PRKCE: variants seen among roughly 807,000 people sequenced by gnomAD.
The protein encoded by PRKCE is protein kinase C epsilon type.
PRKCE carries 16 observed loss-of-function variants against 85.4 expected under a neutral mutation model. The ratio of observed to expected loss-of-function variants is 0.19; its 90% CI spans 0.13 to 0.28. The LOEUF (loss-of-function observed/expected upper bound fraction) is 0.28, where lower values mean the gene tolerates loss of function less well. Ranked by LOEUF, PRKCE falls within the 10% of genes least tolerant of loss-of-function variation. PRKCE has a pLI of 1.00. For synonymous variants in PRKCE, 388 were observed against 371.5 expected, an observed-to-expected ratio of 1.04 and a Z score of -0.51; for missense variants, 573 against 975.2, an observed-to-expected ratio of 0.59 and a Z score of 5.49.
At chr2:46,020,581 C>A (rs565348440) in intron 10 of PRKCE, among the ~76,000 whole-genome samples, 3 of 152,168 alleles carry the variant, frequency 2.0e-5, no homozygotes, top group Admixed American at 6.5e-5. Context: ...GTCTCAGTAA[C>A]ATATTTCATT....
intron 2 of PRKCE, among the ~76,000 whole-genome samples, chr2:45,901,875 T>A (rs868354525): frequency 6.6e-6 from 1 of 152,160 alleles, no homozygotes; most frequent in African/African-American, 2.4e-5. Flanking sequence ...TCCAGCCAGG[T>A]GCGGTAAAAG....
intron 13 of PRKCE, among the ~76,000 whole-genome samples, chr2:46,157,720 G>A (rs1192056595): frequency 1.3e-5 from 2 of 152,230 alleles, no homozygotes; most frequent in Non-Finnish European, 2.9e-5. Flanking sequence ...AAACCTCTAT[G>A]TGTATCCCTG....
intron 1 of PRKCE, among the ~76,000 whole-genome samples, chr2:45,799,027 A>C (rs573532059): frequency 2.0e-5 from 3 of 152,120 alleles, no homozygotes; most frequent in Admixed American, 6.5e-5. Context: ...TTAGCCGGGC[A>C]TGGTGGTGGG....
intron 1 of PRKCE, among the ~76,000 whole-genome samples, chr2:45,755,372 G>A (rs1197302594): frequency 2.0e-5 from 3 of 152,166 alleles, no homozygotes; most frequent in Non-Finnish European, 4.4e-5. Flanking sequence ...CTTAGGTTAA[G>A]CATATGATAC....
At chr2:45,879,928 A>G (rs1051218884) in intron 2 of PRKCE, among the ~76,000 whole-genome samples, 2 of 152,176 alleles carry the variant, frequency 1.3e-5, no homozygotes, top group East Asian at 1.9e-4. Context: ...TATATTAACT[A>G]TATTAATTCT....
chr2:46,144,579 C>T (rs1240413046), intron 11 of PRKCE, among the ~76,000 whole-genome samples: 1 of 152,220 alleles, frequency 6.6e-6, no homozygotes, highest in Non-Finnish European at 1.5e-5. Flanking sequence ...GAAGCCCTCA[C>T]TGCCTGCACT....
chr2:46,086,393 AG>A (rs1288815748), intron 11 of PRKCE, 31 bp downstream of exon 11: 2 of 1,587,108 alleles, frequency 1.3e-6, no homozygotes, highest in Admixed American at 1.7e-5. Flanking sequence ...CTTTCCTGAA[AG>A]TGAAGAAAAT....
chr2:45,836,794 CTGG>C (rs1690919021), intron 1 of PRKCE, among the ~76,000 whole-genome samples: 1 of 152,248 alleles, frequency 6.6e-6, no homozygotes, highest in Admixed American at 6.5e-5. Context: ...TAGGACCTTA[CTGG>C]TGGAACAAGG....
intron 11 of PRKCE, among the ~76,000 whole-genome samples, chr2:46,101,679 A>T (rs887146429): frequency 1.3e-5 from 2 of 152,120 alleles, no homozygotes; most frequent in Non-Finnish European, 2.9e-5. Context: ...ATTTAATAGA[A>T]TTTCAGAGGT....
intron 2 of PRKCE, among the ~76,000 whole-genome samples, chr2:45,940,474 A>G (rs1347703247): frequency 6.6e-6 from 1 of 152,222 alleles, no homozygotes; most frequent in African/African-American, 2.4e-5. Flanking sequence ...TTGCTGGTAT[A>G]TGCAGTCAAA....
chr2:45,870,525 G>A (rs1432992928), intron 2 of PRKCE, among the ~76,000 whole-genome samples: 4 of 152,178 alleles, frequency 2.6e-5, no homozygotes, highest in Non-Finnish European at 5.9e-5. Flanking sequence ...CAGGGGTTTT[G>A]TTGTTGTTAT....
chr2:45,892,133 T>C (rs933119919), intron 2 of PRKCE, among the ~76,000 whole-genome samples: 4 of 152,218 alleles, frequency 2.6e-5, no homozygotes, highest in Admixed American at 2.0e-4. Flanking sequence ...TGCTTTTCAA[T>C]GGTTCTGTTT....
intron 11 of PRKCE, among the ~76,000 whole-genome samples, chr2:46,089,164 G>T (rs1468441355): frequency 6.6e-6 from 1 of 152,084 alleles, no homozygotes; most frequent in Admixed American, 6.5e-5. Context: ...TCTAAATGCT[G>T]GTTTTCCCCA....
At position 45,838,838 on chromosome 2, in the gene PRKCE, C is replaced by T. The variant is rs995987977; in HGVS notation, c.349-4162C>T. On this transcript the variant is annotated intron_variant, in intron 1 of 14. Transcript: ENST00000306156. ...AAAGTCATCAAATGTCCTGGAATTA[C>T]ATGTAACAATACCAACTTTGTTGAG... Among the ~76,000 whole-genome samples the T allele has an allele frequency of 4.7e-4, 71 of 152,150 alleles. 1 individual carries two copies. The highest frequency in any genetic ancestry group is 1.3e-4 in the Non-Finnish European group (9 of 68,030).
At chr2:45,864,853 G>T (rs1456482238) in intron 2 of PRKCE, among the ~76,000 whole-genome samples, 2 of 152,140 alleles carry the variant, frequency 1.3e-5, no homozygotes, top group Non-Finnish European at 2.9e-5. Flanking sequence ...TGTGTTTCAG[G>T]CTTCAGAGCA....
At chr2:45,860,670 A>G (rs1010628988) in intron 2 of PRKCE, among the ~76,000 whole-genome samples, 48 of 151,910 alleles carry the variant, frequency 3.2e-4, no homozygotes, top group African/African-American at 1.1e-3. Flanking sequence ...GACTGAAGGG[A>G]GTGAGGACAG....
chr2:45,903,296 C>T (rs1696706977), intron 2 of PRKCE, among the ~76,000 whole-genome samples: 1 of 152,208 alleles, frequency 6.6e-6, no homozygotes, highest in Non-Finnish European at 1.5e-5. Flanking sequence ...TTAACAGGCA[C>T]ATAACACAGG....
intron 14 of PRKCE, among the ~76,000 whole-genome samples, chr2:46,178,964 C>G (rs1679702785): frequency 6.6e-6 from 1 of 152,068 alleles, no homozygotes; most frequent in Non-Finnish European, 1.5e-5. Context: ...CACGTGGGAC[C>G]TAGAAGGATG....
intron 2 of PRKCE, among the ~76,000 whole-genome samples, chr2:45,875,466 C>G (rs1388560093): frequency 1.3e-5 from 2 of 152,182 alleles, no homozygotes; most frequent in Admixed American, 1.3e-4. Context: ...TCTGGAGGGA[C>G]CAGGAACAGG....
Sources: gnomAD v4.1 joint callset for allele counts (sites outside exome capture counted in the v4.1 genomes callset) on GRCh38, gnomAD v4.1.1 for gene constraint, MANE v1.5 for transcripts, NCBI Gene and HGNC (gene_info 2026-07-23, HGNC 2026-07-21) for gene names.